PCDHA11: variants seen among roughly 807,000 people sequenced by gnomAD.
The protein encoded by PCDHA11 is protocadherin alpha-11.
In PCDHA11, 61 loss-of-function variants were observed where a neutral mutation model predicts 70.3. The ratio of observed to expected loss-of-function variants is 0.87; its 90% CI spans 0.71 to 1.07. The LOEUF is 1.07. PCDHA11 is among the 50% of genes least tolerant of loss of function. PCDHA11 has a pLI of 0.00. For synonymous variants in PCDHA11, 633 were observed against 555.1 expected, an observed-to-expected ratio of 1.14 and a Z score of -1.97; for missense variants, 1,324 against 1,237.5, an observed-to-expected ratio of 1.07 and a Z score of -1.05.
chr5:140,909,214 T>C (rs1394994856), intron 1 of PCDHA11, among the ~76,000 whole-genome samples: 2 of 152,232 alleles, frequency 1.3e-5, no homozygotes, highest in African/African-American at 2.4e-5. Context: ...AGAGTTGATA[T>C]ACCCCTGAGG....
chr5:140,904,589 G>A (rs1562945664), intron 1 of PCDHA11, among the ~76,000 whole-genome samples: 1 of 151,976 alleles, frequency 6.6e-6, no homozygotes, highest in Non-Finnish European at 1.5e-5. Flanking sequence ...CCAGTAGTGG[G>A]ACTGCTGGAT....
rs1209791227 is a variant in PCDHA11, at chr5:140,923,921, C to A, written c.2391+52427C>A. Among the ~76,000 whole-genome samples, 3 of 152,180 alleles carry A rather than the reference C, an allele frequency of 2.0e-5. No individual in the cohort carries two copies. The East Asian group carries it at 5.8e-4, about 29-fold the overall frequency. On this transcript the variant is annotated intron_variant, in intron 1 of 3. Transcript: ENST00000398640. ...TTCTGTGAAGATTTCCCATACTGTT[C>A]TCTGTATGCATTTTTCCTTTTTTCC...
At chr5:140,882,667 C>A in intron 1 of PCDHA11, 1 of 1,614,160 alleles carries the variant, frequency 6.2e-7, no homozygotes, top group Middle Eastern at 1.6e-4. Flanking sequence ...CGCCCATATT[C>A]CCTGAAAGCA....
At chr5:140,874,935 G>T (rs2055180248) in intron 1 of PCDHA11, among the ~76,000 whole-genome samples, 1 of 152,168 alleles carries the variant, frequency 6.6e-6, no homozygotes, top group South Asian at 2.1e-4. Context: ...AAAAGTTATT[G>T]AAACAGCGGA....
intron 1 of PCDHA11, among the ~76,000 whole-genome samples, chr5:140,941,274 C>T (rs1267060320): frequency 2.7e-3 from 120 of 44,772 alleles, no homozygotes; most frequent in African/African-American, 7.9e-3. Flanking sequence ...TCTTTCTTTC[C>T]TTCCTTCCTT....
intron 1 of PCDHA11, among the ~76,000 whole-genome samples, chr5:140,906,616 T>G (rs1339811951): frequency 6.6e-6 from 1 of 152,228 alleles, no homozygotes. Flanking sequence ...GTATTCCCTT[T>G]GCCTTCAGCA....
intron 1 of PCDHA11, among the ~76,000 whole-genome samples, chr5:140,904,904 C>G (rs1463349424): frequency 6.6e-6 from 1 of 151,948 alleles, no homozygotes; most frequent in Non-Finnish European, 1.5e-5. Context: ...GTTTTTCTTA[C>G]TGATTTGTTT....
At chr5:140,966,542 G>C (rs926112867) in intron 1 of PCDHA11, 4 of 464,302 alleles carry the variant, frequency 8.6e-6, no homozygotes, top group Non-Finnish European at 1.5e-5. Flanking sequence ...GAGCGACTCG[G>C]AGGCGAGCGG....
At chr5:140,968,621 T>C (rs782017664) in intron 1 of PCDHA11, 11 of 1,614,190 alleles carry the variant, frequency 6.8e-6, no homozygotes, top group Non-Finnish European at 8.5e-6. Context: ...GCAAAATGCT[T>C]GGCTTTTTTA....
intron 1 of PCDHA11, among the ~76,000 whole-genome samples, chr5:140,940,877 T>G (rs2092697297): frequency 2.0e-5 from 3 of 152,378 alleles, no homozygotes; most frequent in East Asian, 3.9e-4. Flanking sequence ...GAGTGAATAC[T>G]ACTGCTAGTA....
chr5:140,981,699 T>A (rs1162840326), intron 2 of PCDHA11, among the ~76,000 whole-genome samples: 1 of 151,316 alleles, frequency 6.6e-6, no homozygotes, highest in Non-Finnish European at 1.5e-5. Context: ...CATTCATTCA[T>A]TCATTCATTC....
At chr5:140,947,436 G>C (rs269551) in intron 1 of PCDHA11, among the ~76,000 whole-genome samples, 37,364 of 151,424 alleles carry the variant, frequency 0.25, 5,790 homozygotes, top group African/African-American at 0.44. Flanking sequence ...TTGAAAATCA[G>C]CTGTGAAATC....
intron 1 of PCDHA11, among the ~76,000 whole-genome samples, chr5:140,894,188 A>AT (rs1157134749): frequency 1.1e-4 from 17 of 152,072 alleles, no homozygotes; most frequent in African/African-American, 4.1e-4. Flanking sequence ...ATAGTTATAT[A>AT]TTTTTTCTAT....
chr5:140,979,130 A>C, intron 2 of PCDHA11, 123 bp downstream of exon 2: 1 of 1,473,242 alleles, frequency 6.8e-7, no homozygotes, highest in Admixed American at 2.7e-5. Flanking sequence ...TTTGCCAGGA[A>C]AATGCAATTA....
intron 1 of PCDHA11, among the ~76,000 whole-genome samples, chr5:140,944,212 G>A (rs2093625655): frequency 6.6e-6 from 1 of 152,158 alleles, no homozygotes; most frequent in Non-Finnish European, 1.5e-5. Flanking sequence ...TTTTTAAAGA[G>A]GGTTTTACTC....
chr5:140,992,971 T>C (rs1186217726), intron 3 of PCDHA11, among the ~76,000 whole-genome samples: 17 of 152,166 alleles, frequency 1.1e-4, no homozygotes, highest in Admixed American at 1.1e-3. Flanking sequence ...CTGCTGACAA[T>C]GATTAGGCCA....
chr5:140,965,121 T>G (rs1454584682), intron 1 of PCDHA11, among the ~76,000 whole-genome samples: 6 of 152,178 alleles, frequency 3.9e-5, no homozygotes, highest in African/African-American at 1.4e-4. Flanking sequence ...TAGAGGAAGA[T>G]CTACAGATGA....
At chr5:140,955,552 C>T (rs1554221978) in intron 1 of PCDHA11, among the ~76,000 whole-genome samples, 2 of 152,092 alleles carry the variant, frequency 1.3e-5, no homozygotes, top group African/African-American at 4.8e-5. Flanking sequence ...TTGAGGCCTC[C>T]CCAGCCATAC....
At position 140,982,472 on chromosome 5, in the gene PCDHA11, C is replaced by T; in HGVS notation, c.2451-3C>T. The stretch of plus-strand genomic sequence containing the variant: ...CGTTATCTGGGTCTGTGTGTTTATT[C>T]AGCTCTGTGCACCTAGAGGAGGCTG... On this transcript the variant is annotated splice_polypyrimidine_tract_variant and splice_region_variant and intron_variant, in intron 2 of 3. Transcript: ENST00000398640. The T allele has an allele frequency of 3.1e-6, 5 of 1,614,144 alleles. No individual in the cohort carries two copies. Among genetic ancestry groups the T allele is most frequent in the Non-Finnish European group, 4.2e-6 (5 of 1,180,022 alleles).
Sources: gnomAD v4.1 joint callset for allele counts (sites outside exome capture counted in the v4.1 genomes callset) on GRCh38, gnomAD v4.1.1 for gene constraint, MANE v1.5 for transcripts, NCBI Gene and HGNC (gene_info 2026-07-23, HGNC 2026-07-21) for gene names.